CMSS1: variants seen among roughly 807,000 people sequenced by gnomAD.
CMSS1 encodes the protein protein CMSS1.
Under a neutral mutation model 43.5 loss-of-function variants are expected in CMSS1, and 33 were observed. The observed-to-expected ratio is 0.76, with a 90% CI of 0.57 to 1.01. CMSS1 has a LOEUF of 1.01. CMSS1 is among the 50% of genes least tolerant of loss of function. CMSS1 has a pLI of 0.00. For synonymous variants in CMSS1, 115 were observed against 117.2 expected (o/e 0.98, Z 0.12); for missense variants, 313 against 326.4 (o/e 0.96, Z 0.32).
At chr3:100,150,912 A>G (rs1035723458) in intron 2 of CMSS1, among the ~76,000 whole-genome samples, 1 of 152,226 alleles carries the variant, frequency 6.6e-6, no homozygotes, top group African/African-American at 2.4e-5. Context: ...CCATGATGTC[A>G]GTAACATTTC....
At chr3:99,942,350 C>T (rs1046234410) in intron 1 of CMSS1, among the ~76,000 whole-genome samples, 14 of 151,840 alleles carry the variant, frequency 9.2e-5, no homozygotes, top group African/African-American at 3.4e-4. Flanking sequence ...CTTTTAAATA[C>T]TCCAGAAAAA....
chr3:99,999,735 G>A (rs1295352344), intron 1 of CMSS1, among the ~76,000 whole-genome samples: 1 of 152,126 alleles, frequency 6.6e-6, no homozygotes, highest in Non-Finnish European at 1.5e-5. Context: ...TAAAAGCCCT[G>A]GGTTGTTTCT....
At chr3:100,118,818 T>C (rs2107489697) in intron 1 of CMSS1, among the ~76,000 whole-genome samples, 1 of 152,238 alleles carries the variant, frequency 6.6e-6, no homozygotes, top group South Asian at 2.1e-4. Context: ...GGCTGACTCT[T>C]AGATATCATC....
intron 1 of CMSS1, among the ~76,000 whole-genome samples, chr3:99,980,802 G>C (rs1270902772): frequency 7.9e-5 from 12 of 152,142 alleles, no homozygotes; most frequent in Non-Finnish European, 1.8e-4. Flanking sequence ...GAGCCAGAGA[G>C]AGAGTGAGTG....
At chr3:99,906,740 C>T (rs984895341) in intron 1 of CMSS1, among the ~76,000 whole-genome samples, 1 of 152,146 alleles carries the variant, frequency 6.6e-6, no homozygotes, top group African/African-American at 2.4e-5. Flanking sequence ...TCTAGCTTTT[C>T]CAGTACTGAG....
At chr3:100,054,217 G>A (rs1260019436) in intron 1 of CMSS1, among the ~76,000 whole-genome samples, 3 of 152,146 alleles carry the variant, frequency 2.0e-5, no homozygotes, top group Non-Finnish European at 2.9e-5. Context: ...CAAACTAACC[G>A]AGACATCACA....
intron 3 of CMSS1, among the ~76,000 whole-genome samples, chr3:100,162,055 A>G (rs767927987): frequency 3.9e-5 from 6 of 152,368 alleles, no homozygotes; most frequent in Admixed American, 6.5e-5. Flanking sequence ...GCAAAAATTT[A>G]GTTATCTTGG....
Position 100,172,363 on chromosome 3 carries a change from T to G in CMSS1, c.627T>G (p.Gly209=). 6.2e-7 allele frequency: 1 copy of G among 1,613,850 alleles called. No homozygotes were observed. The highest frequency in any genetic ancestry group is 8.5e-7 in the Non-Finnish European group (1 of 1,179,872). Residue 209 remains glycine, a synonymous_variant, in exon 8 of 10, where the codon GGT becomes GGG. Coordinates refer to ENST00000421999, the MANE Select transcript of CMSS1 (RefSeq NM_032359.4). ...KLLEKRVVHL[G]VGTPGRIKEL... is the part of the protein sequence containing the mutation. Reference sequence around the variant, plus strand: ...TGGAGAAGCGTGTGGTGCACCTGGGTGTAGGAACTCCGGGGAGAATTAAAG... The same window carrying G: ...TGGAGAAGCGTGTGGTGCACCTGGGGGTAGGAACTCCGGGGAGAATTAAAG...
Position 99,973,460 on chromosome 3 carries a change from A to G in CMSS1, c.64+155417A>G, listed in dbSNP as rs186374398. ...TATAAAATAGAAATCTAAAATATGC[A>G]GTTATAAATACATATGAAAATTCCT... On this transcript the variant is annotated intron_variant, in intron 1 of 9. Coordinates refer to ENST00000421999, the MANE Select transcript of CMSS1 (RefSeq NM_032359.4). 6.6e-5 allele frequency among the ~76,000 whole-genome samples: 10 copies of G among 152,298 alleles called. No individual in the cohort carries two copies. In the East Asian group the frequency reaches 1.9e-3, roughly 29 times the overall value.
chr3:99,863,913 T>G (rs1437530690), intron 1 of CMSS1, among the ~76,000 whole-genome samples: 1 of 152,240 alleles, frequency 6.6e-6, no homozygotes, highest in Non-Finnish European at 1.5e-5. Flanking sequence ...AGCATCTTGT[T>G]TTTTGCAGCC....
intron 1 of CMSS1, among the ~76,000 whole-genome samples, chr3:100,028,992 T>C (rs2064976874): frequency 6.6e-6 from 1 of 152,138 alleles, no homozygotes; most frequent in African/African-American, 2.4e-5. Context: ...GAGCAGTTAC[T>C]TGAGCACCTA....
intron 1 of CMSS1, among the ~76,000 whole-genome samples, chr3:99,992,228 T>C (rs937643773): frequency 2.0e-5 from 3 of 152,096 alleles, no homozygotes; most frequent in Admixed American, 6.6e-5. Flanking sequence ...TATTTTTAGC[T>C]ATTTGAGAAA....
At chr3:99,982,559 G>T (rs1235155415) in intron 1 of CMSS1, among the ~76,000 whole-genome samples, 1 of 151,936 alleles carries the variant, frequency 6.6e-6, no homozygotes, top group African/African-American at 2.4e-5. Flanking sequence ...GCCCAGGCTG[G>T]TCTTTCACCC....
At chr3:99,907,039 G>C (rs1356798995) in intron 1 of CMSS1, among the ~76,000 whole-genome samples, 1 of 151,992 alleles carries the variant, frequency 6.6e-6, no homozygotes, top group African/African-American at 2.4e-5. Context: ...TGAATAATTA[G>C]AGTATATTTA....
chr3:99,957,693 C>CTTTTTTTTTTTTTTTTTT (rs779350496), intron 1 of CMSS1, among the ~76,000 whole-genome samples: 224 of 19,892 alleles, frequency 0.011, 43 homozygotes, highest in Non-Finnish European at 0.015. Flanking sequence ...TTCTTTCTTT[C>CTTTTTTTTTTTTTTTTTT]TTTTTTTTTT....
chr3:99,885,839 C>G (rs893133909), intron 1 of CMSS1, among the ~76,000 whole-genome samples: 1 of 152,108 alleles, frequency 6.6e-6, no homozygotes, highest in Non-Finnish European at 1.5e-5. Context: ...ACTACAACAA[C>G]AAGAAATGAA....
At chr3:99,876,165 G>A (rs1576540444) in intron 1 of CMSS1, 2 of 985,486 alleles carry the variant, frequency 2.0e-6, no homozygotes, top group Admixed American at 6.1e-5. Context: ...AGAGTCGCCC[G>A]AACAATGCGA....
intron 2 of CMSS1, among the ~76,000 whole-genome samples, chr3:100,153,524 C>T (rs964259290): frequency 6.6e-6 from 1 of 152,186 alleles, no homozygotes; most frequent in African/African-American, 2.4e-5. Flanking sequence ...AGGCCTCTCC[C>T]CTTCACTTGC....
Position 100,062,138 on chromosome 3 carries a change from G to T in CMSS1, c.65-84835G>T, listed in dbSNP as rs2107347395. ...TTTTTTTTTTTTTTTTTGAGACGGA[G>T]TGTTGCTCTGTCCCCCAGGCTGGAG... On this transcript the variant is annotated intron_variant, in intron 1 of 9. Transcript: ENST00000421999. 2.2e-5 allele frequency among the ~76,000 whole-genome samples: 2 copies of T among 90,062 alleles called. 1 individual carries two copies. The highest frequency in any genetic ancestry group is 9.4e-5 in the African/African-American group (2 of 21,176). The allele number at this position is 90,062 out of a possible 152,430, so 59.1% of individuals were successfully genotyped here.
Sources: allele counts gnomAD v4.1 joint callset (sites outside exome capture counted in the v4.1 genomes callset), GRCh38; gene constraint gnomAD v4.1.1; transcripts MANE v1.5; gene names NCBI Gene and HGNC (gene_info 2026-07-23, HGNC 2026-07-21).